The following CSF2RB variants were observed in gnomAD, a reference collection of about 807,000 sequenced individuals.
The protein encoded by CSF2RB is colony stimulating factor 2 receptor subunit beta.
Under a neutral mutation model 67.2 loss-of-function variants are expected in CSF2RB, and 22 were observed. The observed-to-expected ratio is 0.33, with a 90% confidence interval of 0.23 to 0.47. The LOEUF is 0.47. Ranked by LOEUF, CSF2RB falls within the 20% of genes least tolerant of loss-of-function variation. The pLI, the probability that CSF2RB is intolerant of heterozygous loss-of-function variation, is 1.00. For synonymous variants in CSF2RB, 507 were observed against 482.9 expected (o/e 1.05, Z -0.65); for missense variants, 1,113 against 1,174.5 (o/e 0.95, Z 0.76).
rs1255661925 is a variant in CSF2RB, at chr22:36,937,362, A to G, written c.1569-15A>G. On this transcript the variant is annotated splice_polypyrimidine_tract_variant and intron_variant, in intron 13 of 13. Transcript: ENST00000403662. This position sits in a 1 kb window ranked among gnomAD's most constrained non-coding sequence, Gnocchi z 4.6. ...CAGGGTGGTCCCAACTCTTCTGCCCATTTTCTTCCCACAGGGTGTTCCCTG... is the reference window on the plus strand; with the variant it reads ...CAGGGTGGTCCCAACTCTTCTGCCCGTTTTCTTCCCACAGGGTGTTCCCTG... 1 of 1,611,266 alleles carries G rather than the reference A, an allele frequency of 6.2e-7. No individual in the cohort carries two copies. Among genetic ancestry groups the G allele is most frequent in the East Asian group, 2.2e-5 (1 of 44,820 alleles).
rs1941122172 is a variant in CSF2RB at position 36,930,410 on chromosome 22, T to G, written c.754T>G (p.Phe252Val). 6.2e-7 allele frequency: 1 copy of G among 1,613,650 alleles called. No homozygotes were observed. Residue 252 changes from phenylalanine (F) to valine (V), a missense_variant, in exon 7 of 14, where the codon TTT (phenylalanine) becomes GTT (valine). Physicochemically the swap from Phe to Val is conservative, Grantham distance 50 (BLOSUM62 -1). This residue lies in a region of CSF2RB where 559 missense variants were observed against 656.5 expected (regional missense o/e 0.85). Transcript: ENST00000403662. ...CCAGCCCCAGAACCTGGAGTGCTTCTTTGACGGGGCCGCCGTGCTCAGCTG... is the reference window on the plus strand; with the variant it reads ...CCAGCCCCAGAACCTGGAGTGCTTCGTTGACGGGGCCGCCGTGCTCAGCTG... ...EAQPQNLECFFDGAAVLSCSW... is the reference protein window; with the variant it reads ...EAQPQNLECFVDGAAVLSCSW...
intron 1 of CSF2RB, among the ~76,000 whole-genome samples, chr22:36,919,852 CTT>C: frequency 6.6e-6 from 1 of 152,270 alleles, no homozygotes; most frequent in South Asian, 2.1e-4. Context: ...TTAATGTACT[CTT>C]TTATTTTTGC....
intron 1 of CSF2RB, among the ~76,000 whole-genome samples, chr22:36,913,998 G>A (rs1190004204): frequency 6.6e-6 from 1 of 152,020 alleles, no homozygotes; most frequent in Non-Finnish European, 1.5e-5. Flanking sequence ...AGAGAGCTCA[G>A]GCCTGGGAGT....
chr22:36,920,068 T>A (rs1056181500), intron 1 of CSF2RB, among the ~76,000 whole-genome samples: 3 of 152,182 alleles, frequency 2.0e-5, no homozygotes, highest in African/African-American at 7.2e-5. Flanking sequence ...ATCCCACCCC[T>A]GTTTTCTCAT....
intron 1 of CSF2RB, among the ~76,000 whole-genome samples, chr22:36,916,259 A>G (rs77818863): frequency 0.028 from 4,303 of 152,298 alleles, 81 homozygotes; most frequent in Middle Eastern, 0.058. Context: ...AAAGAGTTTT[A>G]ATAATTTTAC....
chr22:36,939,165 C>T lies in CSF2RB; in HGVS notation c.*663C>T. The T allele has an allele frequency of 1.4e-6, 1 of 702,268 alleles. No homozygotes were observed. The highest frequency in any genetic ancestry group is 2.6e-6 in the Non-Finnish European group (1 of 384,820). 43.5% of individuals were successfully genotyped at this position (702,268 alleles called of 1,614,324 possible). A position where few individuals can be genotyped will look rare whatever the true frequency, so the allele number is the denominator to read the frequency against. On this transcript the variant is annotated 3_prime_UTR_variant, in exon 14 of 14. Transcript: ENST00000403662. ...CGGTGCAAGGGACGCACATGAGAGA[C>T]TGTTTGGGAGCTTCTGGGGAGCCCT... is the stretch of plus-strand genomic sequence containing the variant.
chr22:36,917,329 T>C (rs1940744011), intron 1 of CSF2RB, among the ~76,000 whole-genome samples: 1 of 152,210 alleles, frequency 6.6e-6, no homozygotes, highest in African/African-American at 2.4e-5. Context: ...TATGAAATTG[T>C]TTTTGTCTGG....
At chr22:36,916,695 T>C (rs1157873761) in intron 1 of CSF2RB, among the ~76,000 whole-genome samples, 1 of 151,970 alleles carries the variant, frequency 6.6e-6, no homozygotes, top group Non-Finnish European at 1.5e-5. Context: ...CCATGTCTAC[T>C]AAAAATACGA....
At chr22:36,928,388 A>G (rs541682715) in intron 4 of CSF2RB, among the ~76,000 whole-genome samples, 2 of 152,232 alleles carry the variant, frequency 1.3e-5, no homozygotes, top group African/African-American at 4.8e-5. Flanking sequence ...CTGGGAGTGC[A>G]GTGACCCATG....
chr22:36,929,299 A>G lies in CSF2RB; in HGVS notation c.392-103A>G. 4.7e-6 allele frequency: 7 copies of G among 1,492,716 alleles called. No individual in the cohort carries two copies. In the South Asian group the frequency reaches 6.8e-5, roughly 15 times the overall value. The allele number at this position is 1,492,716 out of a possible 1,614,324, so 92.5% of individuals were successfully genotyped here. ...TCAAGGTCCCTCAGCTGCTGGGGGC[A>G]GGGGTGGCCTGGAACCCCCTGTGTC... On this transcript the variant is annotated intron_variant, in intron 4 of 13. Transcript: ENST00000403662.
intron 3 of CSF2RB, among the ~76,000 whole-genome samples, chr22:36,924,426 C>T (rs898109097): frequency 6.6e-6 from 1 of 152,168 alleles, no homozygotes; most frequent in African/African-American, 2.4e-5. Flanking sequence ...CTCCCAGGAT[C>T]TTTCCCAATT....
rs1251926677 is a variant in CSF2RB, at chr22:36,938,261, A to C, written c.2453A>C (p.Gln818Pro). 6.2e-7 allele frequency: 1 copy of C among 1,614,152 alleles called. No homozygotes were observed. The highest frequency in any genetic ancestry group is 1.7e-5 in the Admixed American group (1 of 60,032). ...CCCGAGGGCCTCCTTGTCCTGCAGC[A>C]AGTGGGCGACTATTGCTTCCTCCCC... Reference protein sequence around the residue: ...PQPEGLLVLQQVGDYCFLPGL... With the variant: ...PQPEGLLVLQPVGDYCFLPGL... Residue 818 changes from glutamine (Q) to proline (P), a missense_variant, in exon 14 of 14, where the codon CAA becomes CCA. Gln to Pro is a moderately conservative substitution (Grantham distance 76). Transcript: ENST00000403662.
intron 12 of CSF2RB, among the ~76,000 whole-genome samples, chr22:36,936,335 C>T (rs1299459726): frequency 6.6e-6 from 1 of 152,052 alleles, no homozygotes; most frequent in Non-Finnish European, 1.5e-5. Context: ...GGAAAAGGGC[C>T]CTGTCCTCAG....
Position 36,939,124 on chromosome 22 carries a change from T to C in CSF2RB, c.*622T>C. 3 of 702,192 alleles carry C rather than the reference T, an allele frequency of 4.3e-6. No individual in the cohort carries two copies. The highest frequency in any genetic ancestry group is 2.0e-5 in the Admixed American group (1 of 49,992). The allele number at this position is 702,192 out of a possible 1,614,324, so 43.5% of individuals were successfully genotyped here. ...GTCACTCCGAGAAATGGGCATGGTA[T>C]TGGGGGTCGGGGGGGCGGTGCAAGG... On this transcript the variant is annotated 3_prime_UTR_variant, in exon 14 of 14. Coordinates refer to ENST00000403662, the MANE Select transcript of CSF2RB (RefSeq NM_000395.3).
At chr22:36,933,674 G>T (rs142124332) in intron 9 of CSF2RB, among the ~76,000 whole-genome samples, 158 bp from the exon 10 acceptor site, 1 of 152,336 alleles carries the variant, frequency 6.6e-6, no homozygotes, top group African/African-American at 2.4e-5. Context: ...CCGTGGGTGG[G>T]CCCTCAGGGA....
intron 1 of CSF2RB, among the ~76,000 whole-genome samples, chr22:36,915,389 GT>G (rs1311836972): frequency 6.7e-6 from 1 of 150,096 alleles, no homozygotes; most frequent in Non-Finnish European, 1.5e-5. Flanking sequence ...CAGGATGGTA[GT>G]TTTTCTTTTT....
Position 36,930,751 on chromosome 22 carries a change from C to T in CSF2RB, c.933C>T (p.Pro311=), listed in dbSNP as rs373556286. 269 of 1,613,796 alleles carry T rather than the reference C, an allele frequency of 1.7e-4. No individual in the cohort carries two copies. The highest frequency in any genetic ancestry group is 2.1e-4 in the Non-Finnish European group (250 of 1,180,032). ...GGCACCACTGCCAGATTCCCGTGCC[C>T]GACCCCGCGACCCACGGCCAATACA... ...HTRHHCQIPV[P]DPATHGQYIV... Residue 311 remains proline, a synonymous_variant, in exon 8 of 14, where the codon CCC becomes CCT. Coordinates refer to ENST00000403662, the MANE Select transcript of CSF2RB (RefSeq NM_000395.3).
At chr22:36,936,800 T>G in intron 13 of CSF2RB, 148 bp downstream of exon 13, 1 of 642,346 alleles carries the variant, frequency 1.6e-6, no homozygotes, top group Non-Finnish European at 2.7e-6. Flanking sequence ...AGGAGGCACC[T>G]GGGGGGGATG....
At chr22:36,919,114 C>T (rs572166380) in intron 1 of CSF2RB, among the ~76,000 whole-genome samples, 3 of 152,146 alleles carry the variant, frequency 2.0e-5, no homozygotes, top group Non-Finnish European at 2.9e-5. Context: ...GGAAATAGAC[C>T]TTTTTATTCT....
Sources: gnomAD v4.1 joint callset for allele counts (sites outside exome capture counted in the v4.1 genomes callset) on GRCh38, gnomAD v4.1.1 for gene constraint, gnomAD v4.1.1 regional missense constraint, Gnocchi (gnomAD v3.1) non-coding constraint, MANE v1.5 for transcripts, NCBI Gene and HGNC (gene_info 2026-07-23, HGNC 2026-07-21) for gene names.